CLIP1: variants seen among roughly 807,000 people sequenced by gnomAD.
CLIP1 encodes CAP-Gly domain-containing linker protein 1.
In CLIP1, 66 loss-of-function variants were observed where a neutral mutation model predicts 161.6. The observed-to-expected ratio is 0.41, with a 90% CI of 0.33 to 0.50. CLIP1 has a LOEUF of 0.50. Among genes scored for constraint, CLIP1 ranks in the 20% least tolerant of loss-of-function variants. The pLI is 0.27. For missense variants in CLIP1, 1,376 were observed against 1,702.0 expected (o/e 0.81, Z 3.37); for synonymous variants, 598 against 626.2 (o/e 0.96, Z 0.67).
intron 3 of CLIP1, among the ~76,000 whole-genome samples, chr12:122,374,315 CA>C (rs537296671): frequency 4.0e-3 from 185 of 45,940 alleles, no homozygotes; most frequent in South Asian, 7.1e-3. Flanking sequence ...ACTAAAAATA[CA>C]AAAAAAAAAA....
At chr12:122,350,070 A>G (rs905678296) in intron 9 of CLIP1, among the ~76,000 whole-genome samples, 1 of 151,632 alleles carries the variant, frequency 6.6e-6, no homozygotes, top group African/African-American at 2.4e-5. Context: ...ATATTCGGCT[A>G]ATTTTTGTAT....
chr12:122,298,123 G>A (rs113425162), intron 20 of CLIP1, among the ~76,000 whole-genome samples: 33 of 152,180 alleles, frequency 2.2e-4, no homozygotes, highest in African/African-American at 7.2e-4. Flanking sequence ...CCTTTCCATC[G>A]GAGCTGCCCC....
Position 122,341,463 on chromosome 12 carries a change from C to T in CLIP1, c.1741G>A (p.Glu581Lys), listed in dbSNP as rs1952492912. The T allele has an allele frequency of 6.2e-7, 1 of 1,613,296 alleles. No homozygotes were observed. Among genetic ancestry groups the T allele is most frequent in the South Asian group, 1.1e-5 (1 of 91,070 alleles). ...TTTATCTCCTTCTGATGAGTTTCTT[C>T]CCGGGCTCCAAAATGCTCCTTCAGA... The part of the protein sequence containing the change: ...TSLKEHFGAR[E>K]ETHQKEIKAL... Residue 581 changes from glutamate to lysine, a missense_variant, in exon 11 of 26, where the codon GAA becomes AAA. By Grantham distance (56) the Glu-to-Lys change is moderately conservative (BLOSUM62 1). Around this residue, in one of 6 missense-constraint regions of CLIP1, gnomAD observed 948 missense variants for 1,134.8 expected, o/e 0.84. Transcript: ENST00000620786.
At chr12:122,289,066 T>G (rs1955985973) in intron 20 of CLIP1, among the ~76,000 whole-genome samples, 1 of 151,056 alleles carries the variant, frequency 6.6e-6, no homozygotes, top group African/African-American at 2.4e-5. Context: ...TCCGCCCGCC[T>G]CAGCCTCCCA....
intron 23 of CLIP1, 181 bp downstream of exon 23, chr12:122,278,611 G>T: frequency 1.6e-6 from 1 of 610,306 alleles, no homozygotes; most frequent in Non-Finnish European, 2.7e-6. Context: ...ACCACAAGAA[G>T]CCCCAGGAAC....
rs57260606 is a variant in CLIP1, at chr12:122,286,520, T to TAAAA, written c.3647+1965_3647+1968dup. On this transcript the variant is annotated intron_variant, in intron 21 of 25. Transcript: ENST00000620786. Reference sequence around the variant, plus strand: ...TGGGTGATAGAGCAAGACTCTGTCTTAAAAAAAAAAAAAAAAAAAAAAAAA... The same window carrying TAAAA: ...TGGGTGATAGAGCAAGACTCTGTCTTAAAAAAAAAAAAAAAAAAAAAAAAAAAAA... Among the ~76,000 whole-genome samples, 41 of 28,246 alleles carry TAAAA rather than the reference T, an allele frequency of 1.5e-3. 2 individuals carry two copies. Among genetic ancestry groups the TAAAA allele is most frequent in the Non-Finnish European group, 2.1e-3 (30 of 14,018 alleles). 18.5% of individuals were successfully genotyped at this position (28,246 alleles called of 152,430 possible). A position where few individuals can be genotyped will look rare whatever the true frequency, so the allele number is the denominator to read the frequency against.
At position 122,377,504 on chromosome 12, in the gene CLIP1, G is replaced by C. The variant is rs1277537270; in HGVS notation, c.542C>G (p.Ala181Gly). ...TGTAAGGTTGCTGATCGGAGGCGTA[G>C]CTGAAGGTTCCTTTGCTGCTGGCTG... ...PSQPAAKEPS[A>G]TPPISNLTKT... is the part of the protein sequence containing the mutation. The change falls in exon 3 of 26, where the codon GCT (alanine) becomes GGT (glycine). Residue 181 changes from alanine to glycine, a missense_variant. This residue lies in a region of CLIP1 where 119 missense variants were observed against 112.0 expected (regional missense o/e 1.06). Coordinates refer to ENST00000620786, the MANE Select transcript of CLIP1 (RefSeq NM_001247997.2). The C allele has an allele frequency of 1.2e-5, 19 of 1,613,974 alleles. No homozygotes were observed. Among genetic ancestry groups the C allele is most frequent in the Non-Finnish European group, 1.5e-5 (18 of 1,180,020 alleles).
chr12:122,296,911 T>C (rs914807205), intron 20 of CLIP1, among the ~76,000 whole-genome samples: 1 of 146,516 alleles, frequency 6.8e-6, no homozygotes, highest in African/African-American at 2.5e-5. Context: ...GTAGAGAGGA[T>C]GAATGGGAGT....
At chr12:122,411,531 G>A (rs1359056824) in intron 1 of CLIP1, among the ~76,000 whole-genome samples, 1 of 152,120 alleles carries the variant, frequency 6.6e-6, no homozygotes, top group African/African-American at 2.4e-5. Flanking sequence ...ATGTGGTATT[G>A]GGGTATATCT....
chr12:122,365,192 A>T, intron 3 of CLIP1: 3 of 447,232 alleles, frequency 6.7e-6, no homozygotes, highest in Non-Finnish European at 7.7e-6. Flanking sequence ...ATATGTAACT[A>T]ACCTGCACAA....
At chr12:122,419,919 T>A (rs1221732342) in intron 1 of CLIP1, among the ~76,000 whole-genome samples, 5 of 106,888 alleles carry the variant, frequency 4.7e-5, no homozygotes, top group Non-Finnish European at 9.4e-5. Flanking sequence ...GATGCGAGAC[T>A]CTGTCTCAAA....
At chr12:122,384,724 G>A (rs1249973108) in intron 1 of CLIP1, among the ~76,000 whole-genome samples, 1 of 151,198 alleles carries the variant, frequency 6.6e-6, no homozygotes, top group African/African-American at 2.4e-5. Context: ...TCGCGCCACT[G>A]CACTCCGGCC....
intron 4 of CLIP1, among the ~76,000 whole-genome samples, chr12:122,362,418 G>A (rs1403714964): frequency 2.7e-5 from 4 of 150,768 alleles, no homozygotes; most frequent in Non-Finnish European, 5.9e-5. Flanking sequence ...CAAGGTGGGC[G>A]GATCATGAGG....
At chr12:122,357,929 T>C (rs1234761156) in intron 5 of CLIP1, among the ~76,000 whole-genome samples, 2 of 151,934 alleles carry the variant, frequency 1.3e-5, no homozygotes, top group Non-Finnish European at 2.9e-5. Flanking sequence ...CCACCCCGTC[T>C]GGGAGGTGTA....
intron 15 of CLIP1, among the ~76,000 whole-genome samples, chr12:122,331,215 G>A (rs1380194397): frequency 6.6e-6 from 1 of 151,656 alleles, no homozygotes; most frequent in African/African-American, 2.4e-5. Flanking sequence ...GGTTTTCCAT[G>A]TTGGTCAGGC....
intron 3 of CLIP1, among the ~76,000 whole-genome samples, chr12:122,371,216 C>G (rs1321818891): frequency 3.3e-5 from 5 of 152,092 alleles, no homozygotes; most frequent in Admixed American, 3.3e-4. Flanking sequence ...AGTAATAAGA[C>G]AACACTGGCA....
At chr12:122,405,546 T>C (rs1217653947) in intron 1 of CLIP1, among the ~76,000 whole-genome samples, 3 of 152,134 alleles carry the variant, frequency 2.0e-5, no homozygotes, top group Non-Finnish European at 4.4e-5. Context: ...CCCAGCACTT[T>C]GGGAGGCCAA....
chr12:122,274,285 G>T, intron 24 of CLIP1, 123 bp from the exon 25 acceptor site: 1 of 713,356 alleles, frequency 1.4e-6, no homozygotes, highest in Non-Finnish European at 2.3e-6. Context: ...GCCAACAGCG[G>T]CTATTAGGAA....
chr12:122,273,758 G>A (rs1450613898), intron 25 of CLIP1, among the ~76,000 whole-genome samples: 1 of 151,862 alleles, frequency 6.6e-6, no homozygotes, highest in Admixed American at 6.6e-5. Context: ...TTGAGACAGG[G>A]TCTTGCTCTG....
Sources: gnomAD v4.1 joint callset for allele counts (sites outside exome capture counted in the v4.1 genomes callset) on GRCh38, gnomAD v4.1.1 for gene constraint, gnomAD v4.1.1 regional missense constraint, MANE v1.5 for transcripts, NCBI Gene and HGNC (gene_info 2026-07-23, HGNC 2026-07-21) for gene names.